SEMA3A: variants seen among roughly 807,000 people sequenced by gnomAD.
The protein encoded by SEMA3A is semaphorin 3A.
SEMA3A carries 29 observed loss-of-function variants against 97.9 expected under a neutral mutation model. The observed-to-expected ratio is 0.30, with a 90% CI of 0.22 to 0.40. The LOEUF (loss-of-function observed/expected upper bound fraction) is 0.40. Among genes scored for constraint, SEMA3A ranks in the 10% least tolerant of loss-of-function variants. SEMA3A has a pLI of 1.00. For synonymous variants in SEMA3A, 321 were observed against 323.7 expected (o/e 0.99, Z 0.09); for missense variants, 763 against 951.3 (o/e 0.80, Z 2.60).
chr7:84,314,260 T>A (rs1801440453), intron 2 of SEMA3A, among the ~76,000 whole-genome samples: 1 of 152,224 alleles, frequency 6.6e-6, no homozygotes, highest in Non-Finnish European at 1.5e-5. Flanking sequence ...CATAACATTT[T>A]AATTAAGGCA....
At chr7:84,271,222 C>CT (rs1373899092) in intron 3 of SEMA3A, among the ~76,000 whole-genome samples, 1 of 152,040 alleles carries the variant, frequency 6.6e-6, no homozygotes, top group Admixed American at 6.6e-5. Flanking sequence ...AAGTCTCACT[C>CT]TGTCACCCAG....
chr7:84,417,341 T>C (rs1584307769), intron 1 of SEMA3A, among the ~76,000 whole-genome samples: 1 of 152,086 alleles, frequency 6.6e-6, no homozygotes, highest in East Asian at 1.9e-4. Flanking sequence ...CAATATATAG[T>C]ATTAAATTAA....
chr7:84,061,745 TA>T lies in SEMA3A; in HGVS notation c.454-1188del, dbSNP rs1386512682. On this transcript the variant is annotated intron_variant, in intron 4 of 16. Coordinates refer to ENST00000265362, the MANE Select transcript of SEMA3A (RefSeq NM_006080.3). ...ACTCATTTGAATTAGGGACGAAAGT[TA>T]AAAAAAAGGAAGAAATTCCAAGTGT... 7.9e-5 allele frequency among the ~76,000 whole-genome samples: 12 copies of T among 151,966 alleles called. No individual in the cohort carries two copies. In the South Asian group the frequency reaches 1.0e-3, roughly 13 times the overall value.
intron 4 of SEMA3A, among the ~76,000 whole-genome samples, chr7:84,086,450 T>C (rs1257862130): frequency 7.3e-6 from 1 of 136,724 alleles, no homozygotes; most frequent in East Asian, 2.0e-4. Flanking sequence ...TTTTATATAT[T>C]ATTATATTCA....
At chr7:84,354,697 T>C (rs1457653796) in intron 2 of SEMA3A, among the ~76,000 whole-genome samples, 6 of 151,690 alleles carry the variant, frequency 4.0e-5, no homozygotes, top group African/African-American at 1.4e-4. Flanking sequence ...TATTTCATTT[T>C]TTTTCATTAT....
intron 1 of SEMA3A, among the ~76,000 whole-genome samples, chr7:84,396,914 C>A (rs571417330): frequency 6.6e-6 from 1 of 151,992 alleles, no homozygotes. Context: ...AGATAATAAA[C>A]AATTGGCATA....
At chr7:84,224,061 A>T (rs1444090229) in intron 3 of SEMA3A, among the ~76,000 whole-genome samples, 1 of 152,000 alleles carries the variant, frequency 6.6e-6, no homozygotes, top group East Asian at 1.9e-4. Context: ...GTACATTATT[A>T]GATATTGAGA....
intron 3 of SEMA3A, among the ~76,000 whole-genome samples, chr7:84,299,517 C>T (rs1403496668): frequency 3.3e-5 from 5 of 151,370 alleles, no homozygotes; most frequent in African/African-American, 4.9e-5. Context: ...CACCCTCTAA[C>T]CTCTTCCATA....
chr7:84,056,592 A>AT (rs1262585240), intron 5 of SEMA3A, among the ~76,000 whole-genome samples: 6 of 151,670 alleles, frequency 4.0e-5, no homozygotes, highest in Non-Finnish European at 7.4e-5. Context: ...GAAAAAAAAA[A>AT]GAAAATACCC....
intron 3 of SEMA3A, among the ~76,000 whole-genome samples, chr7:84,303,456 TG>T (rs1442443455): frequency 6.6e-6 from 1 of 151,880 alleles, no homozygotes; most frequent in Non-Finnish European, 1.5e-5. Context: ...GATATAAATA[TG>T]GTATAAGCTA....
chr7:84,055,239 G>C (rs1470248080), intron 5 of SEMA3A, among the ~76,000 whole-genome samples: 10 of 152,308 alleles, frequency 6.6e-5, no homozygotes, highest in South Asian at 2.1e-4. Flanking sequence ...CACCCAGTTG[G>C]AGCTTCCAGG....
intron 2 of SEMA3A, among the ~76,000 whole-genome samples, chr7:84,350,366 T>C (rs1802407417): frequency 6.6e-6 from 1 of 152,242 alleles, no homozygotes; most frequent in East Asian, 1.9e-4. Flanking sequence ...TTTAATCATA[T>C]ATAAAGCAGA....
rs1351341747 is a variant in SEMA3A, at chr7:84,452,158, G to GTGA, written c.-246+40301_-246+40302insTCA. On this transcript the variant is annotated intron_variant, in intron 1 of 3. Coordinates refer to the SEMA3A transcript ENST00000424555. The stretch of plus-strand genomic sequence containing the variant: ...ACATTCAAAGAAGGATCACACATTT[G>GTGA]TCCTATTACTTTTTAAGGCTTCAAA... Among the ~76,000 whole-genome samples the GTGA allele has an allele frequency of 2.1e-3, 327 of 152,190 alleles. 1 individual carries two copies. The highest frequency in any genetic ancestry group is 7.6e-3 in the African/African-American group (317 of 41,514).
At chr7:84,318,006 T>A (rs1801551292) in intron 2 of SEMA3A, among the ~76,000 whole-genome samples, 1 of 152,062 alleles carries the variant, frequency 6.6e-6, no homozygotes, top group Admixed American at 6.6e-5. Flanking sequence ...CCATAAAATG[T>A]TTTTAGGTCA....
chr7:84,439,056 G>A (rs971571714), intron 1 of SEMA3A, among the ~76,000 whole-genome samples: 1 of 151,582 alleles, frequency 6.6e-6, no homozygotes, highest in African/African-American at 2.4e-5. Flanking sequence ...AAAATTAAAA[G>A]AGTATCAACT....
At chr7:84,277,351 G>GGT (rs1165748815) in intron 3 of SEMA3A, among the ~76,000 whole-genome samples, 9 of 151,832 alleles carry the variant, frequency 5.9e-5, no homozygotes, top group Non-Finnish European at 5.9e-5. Context: ...AAGTTGTGTG[G>GGT]GTGTGTGTGT....
At chr7:84,322,666 A>C (rs1482095682) in intron 2 of SEMA3A, among the ~76,000 whole-genome samples, 1 of 152,180 alleles carries the variant, frequency 6.6e-6, no homozygotes, top group Non-Finnish European at 1.5e-5. Context: ...TGGAACTGCA[A>C]GTCATTTAAA....
intron 2 of SEMA3A, among the ~76,000 whole-genome samples, chr7:84,333,838 A>C (rs1323727828): frequency 1.3e-5 from 2 of 151,990 alleles, no homozygotes; most frequent in African/African-American, 4.8e-5. Flanking sequence ...CAGGGAAGTT[A>C]TTTTTAAATT....
chr7:84,402,877 G>C (rs915938771), intron 1 of SEMA3A, among the ~76,000 whole-genome samples: 3 of 152,178 alleles, frequency 2.0e-5, no homozygotes, highest in African/African-American at 2.4e-5. Flanking sequence ...ACTTTATGGA[G>C]ATAGTGACTA....
Sources: gnomAD v4.1 joint callset for allele counts (sites outside exome capture counted in the v4.1 genomes callset) on GRCh38, gnomAD v4.1.1 for gene constraint, MANE v1.5 for transcripts, NCBI Gene and HGNC (gene_info 2026-07-23, HGNC 2026-07-21) for gene names.